Variants in LYPD6 observed in about 807,000 individuals in gnomAD.
LYPD6 encodes the protein LY6/PLAUR domain containing 6.
In LYPD6, 15 loss-of-function variants were observed where a neutral mutation model predicts 22.7. The ratio of observed to expected loss-of-function variants is 0.66; its 90% CI spans 0.44 to 1.02. The LOEUF is 1.02. LYPD6 is among the 50% of genes least tolerant of loss of function. The pLI is 0.00. For synonymous variants in LYPD6, 72 were observed against 77.5 expected (o/e 0.93, Z 0.37); for missense variants, 189 against 208.4 (o/e 0.91, Z 0.57).
chr2:149,363,703 C>G (rs1396736418), intron 1 of LYPD6, among the ~76,000 whole-genome samples: 1 of 152,116 alleles, frequency 6.6e-6, no homozygotes, highest in Non-Finnish European at 1.5e-5. Context: ...AATATGAAGA[C>G]TGAATGATAA....
intron 3 of LYPD6, among the ~76,000 whole-genome samples, chr2:149,462,506 A>T: frequency 6.6e-6 from 1 of 151,942 alleles, no homozygotes; most frequent in Non-Finnish European, 1.5e-5. Context: ...TATAGGTTTA[A>T]CACAATTCCT....
intron 3 of LYPD6, chr2:149,464,075 A>C: frequency 2.4e-6 from 1 of 411,054 alleles, no homozygotes; most frequent in Non-Finnish European, 4.8e-6. Flanking sequence ...TTACAAATGC[A>C]TGGGAATCTA....
intron 1 of LYPD6, among the ~76,000 whole-genome samples, chr2:149,434,165 TATG>T (rs1683381571): frequency 6.6e-6 from 1 of 151,986 alleles, no homozygotes. Context: ...AAATAAGTAG[TATG>T]ATGGAGGGAG....
chr2:149,455,862 C>T (rs1041454060), intron 3 of LYPD6, among the ~76,000 whole-genome samples: 12 of 152,144 alleles, frequency 7.9e-5, no homozygotes, highest in Admixed American at 5.9e-4. Flanking sequence ...AAAGAAGTTC[C>T]TCCAGTGAGA....
At chr2:149,479,262 T>A in the LYPD6 span, among the ~76,000 whole-genome samples, 3 of 152,146 alleles carry the variant, frequency 2.0e-5, no homozygotes, top group Non-Finnish European at 2.9e-5. Flanking sequence ...CTATACAAAT[T>A]TAAATGTCAG....
intron 3 of LYPD6, among the ~76,000 whole-genome samples, chr2:149,463,630 C>A (rs1681135254): frequency 1.3e-5 from 2 of 152,248 alleles, no homozygotes; most frequent in Admixed American, 1.3e-4. Context: ...GGAAACAAAC[C>A]TGGATGTCCT....
At chr2:149,465,649 T>C (rs1367763801) in intron 3 of LYPD6, among the ~76,000 whole-genome samples, 1 of 152,224 alleles carries the variant, frequency 6.6e-6, no homozygotes, top group Admixed American at 6.5e-5. Context: ...TTTGTTTAAA[T>C]ATAGTTTCTG....
intron 1 of LYPD6, among the ~76,000 whole-genome samples, chr2:149,408,201 G>A (rs1478829001): frequency 6.6e-6 from 1 of 152,194 alleles, no homozygotes. Context: ...ACCCACTTGA[G>A]GAGGCAGTCT....
intron 3 of LYPD6, among the ~76,000 whole-genome samples, chr2:149,449,853 A>G (rs1160715631): frequency 6.6e-6 from 1 of 152,152 alleles, no homozygotes; most frequent in Non-Finnish European, 1.5e-5. Context: ...TTTATTGACA[A>G]ATGTTCGAGT....
At chr2:149,330,560 G>C (rs1028899556), upstream of LYPD6, 2 of 150,494 alleles carry the variant, frequency 1.3e-5, no homozygotes, top group Non-Finnish European at 3.0e-5. Context: ...GCCCCTAGCC[G>C]CCCCCCGCCT....
intron 1 of LYPD6, among the ~76,000 whole-genome samples, chr2:149,337,863 C>T (rs1262351884): frequency 6.6e-6 from 1 of 152,140 alleles, no homozygotes; most frequent in African/African-American, 2.4e-5. Context: ...GTTTAGCTCT[C>T]ACTTATAAGA....
intron 1 of LYPD6, among the ~76,000 whole-genome samples, chr2:149,359,389 T>C (rs1284589534): frequency 1.3e-5 from 2 of 152,236 alleles, no homozygotes; most frequent in African/African-American, 4.8e-5. Flanking sequence ...AGCTCTTTAG[T>C]TGAAATTTAG....
chr2:149,393,004 C>T (rs952096207), intron 1 of LYPD6, among the ~76,000 whole-genome samples: 7 of 152,090 alleles, frequency 4.6e-5, no homozygotes, highest in Admixed American at 6.5e-5. Context: ...CCAGCCTGGG[C>T]GACAGAGCGA....
At chr2:149,338,015 T>A (rs769507624) in intron 1 of LYPD6, among the ~76,000 whole-genome samples, 32 of 149,826 alleles carry the variant, frequency 2.1e-4, no homozygotes, top group Non-Finnish European at 2.5e-4. Context: ...ACATTTTTTT[T>A]AATCCAGTTT....
At chr2:149,331,459 C>G (rs564401904) in intron 1 of LYPD6, among the ~76,000 whole-genome samples, 1 of 152,224 alleles carries the variant, frequency 6.6e-6, no homozygotes, top group Non-Finnish European at 1.5e-5. Context: ...ATCTCTACCG[C>G]TGCCCTCCTC....
intron 3 of LYPD6, among the ~76,000 whole-genome samples, chr2:149,451,528 C>T (rs976037610): frequency 3.9e-5 from 6 of 152,110 alleles, no homozygotes; most frequent in African/African-American, 7.2e-5. Context: ...CTCTGGGCCA[C>T]GTTTGATGGT....
chr2:149,434,073 C>T (rs896172812), intron 1 of LYPD6, among the ~76,000 whole-genome samples: 3 of 151,922 alleles, frequency 2.0e-5, no homozygotes, highest in Middle Eastern at 3.2e-3. Flanking sequence ...ACCTGTCAGC[C>T]CGTCATCTAT....
intron 2 of LYPD6, among the ~76,000 whole-genome samples, chr2:149,447,133 C>G (rs1033548364): frequency 3.3e-5 from 5 of 152,140 alleles, no homozygotes; most frequent in Non-Finnish European, 5.9e-5. Context: ...AGGCAAAACT[C>G]TAAGTAGTGA....
chr2:149,374,486 T>C (rs909971132), intron 1 of LYPD6, among the ~76,000 whole-genome samples: 1 of 152,192 alleles, frequency 6.6e-6, no homozygotes, highest in African/African-American at 2.4e-5. Flanking sequence ...TTGAGTATTA[T>C]CTAGATAGAG....
Sources: gnomAD v4.1 joint callset for allele counts (sites outside exome capture counted in the v4.1 genomes callset) on GRCh38, gnomAD v4.1.1 for gene constraint, MANE v1.5 for transcripts, NCBI Gene and HGNC (gene_info 2026-07-23, HGNC 2026-07-21) for gene names.